The following CHFR variants were observed in gnomAD, a reference collection of about 807,000 sequenced individuals.
CHFR encodes the protein E3 ubiquitin-protein ligase CHFR.
A neutral mutation model predicts 87.6 loss-of-function variants in CHFR; 57 were observed. That is an observed-to-expected ratio of 0.65 (90% CI 0.53 to 0.81). CHFR has a LOEUF of 0.81. Among genes scored for constraint, CHFR ranks in the 30% least tolerant of loss-of-function variants. The pLI is 0.00. For synonymous variants in CHFR, 381 were observed against 359.2 expected (o/e 1.06, Z -0.69); for missense variants, 797 against 865.8 (o/e 0.92, Z 1.00).
chr12:132,879,625 G>A (rs1033103092), intron 2 of CHFR, among the ~76,000 whole-genome samples: 1 of 150,684 alleles, frequency 6.6e-6, no homozygotes, highest in South Asian at 2.1e-4. Flanking sequence ...TCTTGACCTC[G>A]TGATATGCCC....
intron 2 of CHFR, among the ~76,000 whole-genome samples, chr12:132,884,501 G>A (rs1951843208): frequency 6.6e-6 from 1 of 151,956 alleles, no homozygotes; most frequent in Admixed American, 6.6e-5. Flanking sequence ...GTTTGTAACT[G>A]AGTGTCTGTA....
At position 132,844,062 on chromosome 12, in the gene CHFR, T is replaced by C. The variant is rs114483951; in HGVS notation, c.1808A>G (p.Gln603Arg). ...GGAAGCAGGAATGTTCTGCCGATAC[T>C]GATAGGTCAGCTCACGGAAGCTGCG... ...GLRSFRELTY[Q>R]YRQNIPASEL... The change falls in exon 16 of 18, where the codon CAG (glutamine) becomes CGG (arginine). Residue 603 changes from glutamine to arginine, a missense_variant. Physicochemically the swap from Gln to Arg is conservative, Grantham distance 43. Transcript: ENST00000450056. The C allele has an allele frequency of 1.2e-6, 2 of 1,613,720 alleles. No individual in the cohort carries two copies. The highest frequency in any genetic ancestry group is 1.3e-5 in the African/African-American group (1 of 74,996).
In CHFR at chr12:132,870,922, G is replaced by C. The variant is rs1951474227; in HGVS notation, c.344-139C>G. On this transcript the variant is annotated intron_variant, in intron 4 of 17. Coordinates refer to ENST00000450056, the MANE Select transcript of CHFR (RefSeq NM_001161346.2). ...GCTAATAACAAATTCATCAGTTTAA[G>C]AGATTTCAAAACAAGTAATCTAAAA... 7.6e-6 allele frequency: 4 copies of C among 527,514 alleles called. No individual in the cohort carries two copies. The Admixed American group carries it at 9.8e-5, about 13-fold the overall frequency. 32.7% of individuals were successfully genotyped at this position (527,514 alleles called of 1,614,324 possible).
chr12:132,880,616 C>T (rs553513889), intron 2 of CHFR, among the ~76,000 whole-genome samples: 1 of 150,254 alleles, frequency 6.7e-6, no homozygotes, highest in East Asian at 2.0e-4. Flanking sequence ...CAAGATGGTG[C>T]CACTGCACTC....
intron 3 of CHFR, among the ~76,000 whole-genome samples, chr12:132,875,659 T>C (rs907550139): frequency 3.3e-5 from 5 of 152,056 alleles, no homozygotes; most frequent in Admixed American, 6.6e-5. Context: ...ACATTCTGAG[T>C]AACACTGACA....
In CHFR at chr12:132,840,308, T is replaced by TG. The variant is rs979672401; in HGVS notation, c.*1245dup. 1 of 145,396 alleles carries TG rather than the reference T, an allele frequency of 6.9e-6. No individual in the cohort carries two copies. Among genetic ancestry groups the TG allele is most frequent in the Non-Finnish European group, 1.5e-5 (1 of 64,716 alleles). 9.0% of individuals were successfully genotyped at this position (145,396 alleles called of 1,614,324 possible). A position where few individuals can be genotyped will look rare whatever the true frequency, so the allele number is the denominator to read the frequency against. On this transcript the variant is annotated 3_prime_UTR_variant, in exon 18 of 18. Transcript: ENST00000450056. ...CTGCATGGGGCCTGCCTCCCTCGCA[T>TG]GGGGAAGTGAGGCAGCCCCAGACAC... is the stretch of plus-strand genomic sequence containing the variant.
In CHFR at chr12:132,865,418, G is replaced by C. The variant is rs150532689; in HGVS notation, c.584-3784C>G. On this transcript the variant is annotated intron_variant, in intron 6 of 17. Transcript: ENST00000450056. ...CGCCCAGGCTGGAGTGCAGTGACGC[G>C]GTATCGGCTCACTGCAACCTCCGCC... is the stretch of plus-strand genomic sequence containing the variant. 7.5e-4 allele frequency among the ~76,000 whole-genome samples: 114 copies of C among 151,150 alleles called. 1 individual carries two copies. Among genetic ancestry groups the C allele is most frequent in the Middle Eastern group, 3.4e-3 (1 of 292 alleles).
chr12:132,886,567 G>C (rs986156587), intron 2 of CHFR, among the ~76,000 whole-genome samples: 3 of 152,304 alleles, frequency 2.0e-5, no homozygotes, highest in African/African-American at 7.2e-5. Context: ...TGGGAGACTG[G>C]AGGCAGTGAA....
chr12:132,880,500 T>G (rs922462210), intron 2 of CHFR, among the ~76,000 whole-genome samples: 4 of 150,844 alleles, frequency 2.7e-5, no homozygotes, highest in Non-Finnish European at 4.4e-5. Flanking sequence ...CTACCAAAAC[T>G]ACAAAAAATT....
intron 6 of CHFR, among the ~76,000 whole-genome samples, chr12:132,863,862 G>A (rs1028275283): frequency 7.9e-5 from 12 of 152,122 alleles, no homozygotes; most frequent in African/African-American, 2.7e-4. Context: ...GGGCTAAAGC[G>A]ATCCTTCCAC....
At chr12:132,878,735 G>A (rs988681576) in intron 2 of CHFR, among the ~76,000 whole-genome samples, 1 of 149,520 alleles carries the variant, frequency 6.7e-6, no homozygotes, top group Non-Finnish European at 1.5e-5. Flanking sequence ...CAGGAGAATG[G>A]CGAGAACCCG....
chr12:132,841,410 A>G lies in CHFR; in HGVS notation c.*144T>C. ...CACTCAGAGGGTAAAGCTCCACAGA[A>G]GAGTCACCCCAGAGCACCTGTCGGA... On this transcript the variant is annotated 3_prime_UTR_variant, in exon 18 of 18. Transcript: ENST00000450056. The G allele has an allele frequency of 2.8e-6, 2 of 721,240 alleles. No individual in the cohort carries two copies. The highest frequency in any genetic ancestry group is 2.4e-6 in the Non-Finnish European group (1 of 411,252). The allele number at this position is 721,240 out of a possible 1,614,324, so 44.7% of individuals were successfully genotyped here. A position where few individuals can be genotyped will look rare whatever the true frequency, so the allele number is the denominator to read the frequency against.
intron 12 of CHFR, chr12:132,849,218 G>A (rs1950888798): frequency 6.5e-6 from 1 of 153,680 alleles, no homozygotes; most frequent in Non-Finnish European, 1.4e-5. Flanking sequence ...CAAAGCGCTA[G>A]GATTACAGGC....
chr12:132,885,035 C>T lies in CHFR; in HGVS notation c.133+2161G>A, dbSNP rs1393137257. ...CCTGGAAGAGGGAAGTTGCAGTGAG[C>T]CGAGATCATGCCACTGCACTCCAGC... On this transcript the variant is annotated intron_variant, in intron 2 of 17. Transcript: ENST00000450056. Among the ~76,000 whole-genome samples, 3 of 151,362 alleles carry T rather than the reference C, an allele frequency of 2.0e-5. No individual in the cohort carries two copies. The South Asian group carries it at 6.3e-4, about 32-fold the overall frequency.
At chr12:132,857,892 T>C (rs1259870837) in intron 8 of CHFR, among the ~76,000 whole-genome samples, 1 of 152,224 alleles carries the variant, frequency 6.6e-6, no homozygotes, top group African/African-American at 2.4e-5. Context: ...CCTACGTTCA[T>C]TCTATGCGAA....
At chr12:132,862,418 C>A in intron 6 of CHFR, 1 of 450,598 alleles carries the variant, frequency 2.2e-6, no homozygotes, top group Non-Finnish European at 4.5e-6. Context: ...CACAGCAAGG[C>A]ACCATCTCTA....
In CHFR at chr12:132,887,162, G is replaced by GC; in HGVS notation, c.133+33dup. The GC allele has an allele frequency of 2.1e-6, 3 of 1,450,252 alleles. No individual in the cohort carries two copies. The South Asian group carries it at 4.0e-5, about 19-fold the overall frequency. 89.8% of individuals were successfully genotyped at this position (1,450,252 alleles called of 1,614,324 possible). ...GCCCGCAACCCGGTGGCTCTGCCCG[G>GC]CCCCGGCCCCCGGCCCCGGCCTCAG... is the stretch of plus-strand genomic sequence containing the variant. On this transcript the variant is annotated intron_variant, in intron 2 of 17. Coordinates refer to ENST00000450056, the MANE Select transcript of CHFR (RefSeq NM_001161346.2).
At position 132,872,432 on chromosome 12, in the gene CHFR, A is replaced by G. The variant is rs191398233; in HGVS notation, c.234-38T>C. 3.2e-4 allele frequency: 478 copies of G among 1,499,976 alleles called. No homozygotes were observed. The African/African-American group carries it at 6.1e-3, about 19-fold the overall frequency. 92.9% of individuals were successfully genotyped at this position (1,499,976 alleles called of 1,614,324 possible). A position where few individuals can be genotyped will look rare whatever the true frequency, so the allele number is the denominator to read the frequency against. On this transcript the variant is annotated intron_variant, in intron 3 of 17. Transcript: ENST00000450056. The stretch of plus-strand genomic sequence containing the variant: ...AAAAACACAATTTATTCTACTTAAA[A>G]TAACTTGGAGTTACAAGATTTTTTT...
At chr12:132,853,122 C>T (rs1445627339) in intron 11 of CHFR, among the ~76,000 whole-genome samples, 1 of 152,248 alleles carries the variant, frequency 6.6e-6, no homozygotes, top group Non-Finnish European at 1.5e-5. Flanking sequence ...CTGGCAAACC[C>T]ACTGGGGGAC....
Sources: allele counts gnomAD v4.1 joint callset (sites outside exome capture counted in the v4.1 genomes callset), GRCh38; gene constraint gnomAD v4.1.1; transcripts MANE v1.5; gene names NCBI Gene and HGNC (gene_info 2026-07-23, HGNC 2026-07-21).